Variants in CACNA2D1 observed in about 807,000 individuals in gnomAD.
The protein encoded by CACNA2D1 is calcium voltage-gated channel auxiliary subunit alpha2delta 1.
A neutral mutation model predicts 171.5 loss-of-function variants in CACNA2D1; 53 were observed. The observed-to-expected ratio is 0.31, with a 90% CI of 0.25 to 0.39. CACNA2D1 has a LOEUF of 0.39. Among genes scored for constraint, CACNA2D1 ranks in the 10% least tolerant of loss-of-function variants. CACNA2D1 has a pLI of 1.00. For synonymous variants in CACNA2D1, 442 were observed against 443.1 expected (o/e 1.00, Z 0.03); for missense variants, 903 against 1,299.8 (o/e 0.69, Z 4.69).
chr7:82,032,803 A>G lies in CACNA2D1; in HGVS notation c.1137T>C (p.Asp379=). 1 of 1,502,410 alleles carries G rather than the reference A, an allele frequency of 6.7e-7. No individual in the cohort carries two copies. The highest frequency in any genetic ancestry group is 9.2e-7 in the Non-Finnish European group (1 of 1,084,122). 93.1% of individuals were successfully genotyped at this position (1,502,410 alleles called of 1,614,324 possible). A position where few individuals can be genotyped will look rare whatever the true frequency, so the allele number is the denominator to read the frequency against. Residue 379 remains aspartate (D), a synonymous_variant, in exon 12 of 39, where the codon GAT becomes GAC. Coordinates refer to ENST00000356860, the MANE Select transcript of CACNA2D1 (RefSeq NM_000722.4). ...ATTATAAAATTACACTCACTTTTTTATCTTTATTGTATTTGTTAAATATCT... is the reference window on the plus strand; with the variant it reads ...ATTATAAAATTACACTCACTTTTTTGTCTTTATTGTATTTGTTAAATATCT... ...AQEIFNKYNK[D]KKVRVFTFSV...
intron 6 of CACNA2D1, among the ~76,000 whole-genome samples, chr7:82,111,150 TTTAA>T (rs1019145747): frequency 3.3e-5 from 5 of 151,324 alleles, no homozygotes; most frequent in African/African-American, 9.7e-5. Context: ...TGAAGTTAGT[TTTAA>T]TTAATAAAAT....
chr7:82,397,323 T>A (rs1411122241), intron 1 of CACNA2D1, among the ~76,000 whole-genome samples: 2 of 152,202 alleles, frequency 1.3e-5, no homozygotes, highest in African/African-American at 4.8e-5. Flanking sequence ...TATATGAATC[T>A]AAAAATATAT....
intron 1 of CACNA2D1, among the ~76,000 whole-genome samples, chr7:82,403,898 G>A (rs1826735424): frequency 6.6e-6 from 1 of 152,174 alleles, no homozygotes; most frequent in African/African-American, 2.4e-5. Context: ...AAACTTTTTA[G>A]GATTGAGCTT....
rs1284084979 is a variant in CACNA2D1 at position 82,186,225 on chromosome 7, GAGAGA to G, written c.295-15621_295-15617del. On this transcript the variant is annotated intron_variant, in intron 3 of 38. Coordinates refer to ENST00000356860, the MANE Select transcript of CACNA2D1 (RefSeq NM_000722.4). ...GGAGGGAGGGAGGGAGGGAAAGAGA[GAGAGA>G]GAAGGAAGGAAGGAAGGAAGGAAGA... Among the ~76,000 whole-genome samples, 34 of 84,170 alleles carry G rather than the reference GAGAGA, an allele frequency of 4.0e-4. 1 individual carries two copies. The East Asian group carries it at 0.011, about 28-fold the overall frequency. The allele number at this position is 84,170 out of a possible 152,430, so 55.2% of individuals were successfully genotyped here.
chr7:82,315,964 T>C (rs1815065857), intron 3 of CACNA2D1, among the ~76,000 whole-genome samples: 4 of 151,928 alleles, frequency 2.6e-5, no homozygotes, highest in African/African-American at 9.7e-5. Flanking sequence ...TGTCACCAGG[T>C]GTTTTTTTTT....
chr7:82,397,508 G>T (rs1585804875), intron 1 of CACNA2D1, among the ~76,000 whole-genome samples: 1 of 151,614 alleles, frequency 6.6e-6, no homozygotes, highest in African/African-American at 2.4e-5. Flanking sequence ...TATTCATTTT[G>T]CCTAGAATTG....
rs367553287 is a variant in CACNA2D1, at chr7:82,038,068, G to A, written c.1038+9C>T. 11 of 1,611,988 alleles carry A rather than the reference G, an allele frequency of 6.8e-6. No individual in the cohort carries two copies. In the African/African-American group the frequency reaches 1.5e-4, roughly 22 times the overall value. ...ACAACAACAACAAAAGACATAGCAT[G>A]ATACTTACATTAAGCAGCTGTTCAA... On this transcript the variant is annotated intron_variant, in intron 11 of 38. Coordinates refer to ENST00000356860, the MANE Select transcript of CACNA2D1 (RefSeq NM_000722.4).
At position 82,064,190 on chromosome 7, in the gene CACNA2D1, TTTTC is replaced by T. The variant is rs1807317514; in HGVS notation, c.779+110_779+113del. 17 of 641,546 alleles carry T rather than the reference TTTTC, an allele frequency of 2.6e-5. No individual in the cohort carries two copies. The South Asian group carries it at 2.7e-4, about 10-fold the overall frequency. 39.7% of individuals were successfully genotyped at this position (641,546 alleles called of 1,614,324 possible). ...GCCTGAATATAAAAGTCATCATAATTTTTCTTTGTTTCTTTTTTAACCTATCAAA... is the reference window on the plus strand; with the variant it reads ...GCCTGAATATAAAAGTCATCATAATTTTTGTTTCTTTTTTAACCTATCAAA... On this transcript the variant is annotated intron_variant, in intron 9 of 38. Transcript: ENST00000356860.
chr7:82,123,701 G>T (rs1238641802), intron 5 of CACNA2D1, among the ~76,000 whole-genome samples: 1 of 152,096 alleles, frequency 6.6e-6, no homozygotes, highest in Non-Finnish European at 1.5e-5. Context: ...AAAATGTGTA[G>T]CACTGGACAA....
intron 1 of CACNA2D1, among the ~76,000 whole-genome samples, chr7:82,401,724 G>T (rs1826448598): frequency 1.3e-5 from 2 of 151,350 alleles, no homozygotes; most frequent in African/African-American, 4.8e-5. Context: ...GAAAAAAAAA[G>T]AAATGAAAAG....
Position 82,349,601 on chromosome 7 carries a change from TG to T in CACNA2D1, c.143del (p.Ala48GlufsTer32). 6.2e-7 allele frequency: 1 copy of T among 1,614,074 alleles called. No homozygotes were observed. The highest frequency in any genetic ancestry group is 8.5e-7 in the Non-Finnish European group (1 of 1,179,918). On this transcript the variant is annotated frameshift_variant, in exon 2 of 39. Transcript: ENST00000356860. LOFTEE classifies it high-confidence loss of function. Reference protein sequence around the residue: ...DKMQEDLVTLAKTASGVNQLV... With the variant: ...DKMQEDLVTLXKTASGVNQLV... ...GCTGATTGACTCCACTTGCTGTTTT[TG>T]CCAGTGTGACAAGGTCTTCTTGCAT... is the stretch of plus-strand genomic sequence containing the variant.
At chr7:82,357,115 CAT>C (rs943451452) in intron 1 of CACNA2D1, among the ~76,000 whole-genome samples, 4 of 152,088 alleles carry the variant, frequency 2.6e-5, no homozygotes, top group African/African-American at 9.7e-5. Flanking sequence ...TAAAAATAAA[CAT>C]ATAGAATATG....
At chr7:82,425,557 T>A (rs1257113755) in intron 1 of CACNA2D1, among the ~76,000 whole-genome samples, 1 of 146,218 alleles carries the variant, frequency 6.8e-6, no homozygotes, top group East Asian at 2.0e-4. Context: ...TTTTTTTTTT[T>A]AAGAGACAGA....
chr7:82,302,261 C>T (rs1813108384), intron 3 of CACNA2D1, among the ~76,000 whole-genome samples: 1 of 152,014 alleles, frequency 6.6e-6, no homozygotes, highest in African/African-American at 2.4e-5. Context: ...GTAATTGACA[C>T]ATAAATTTCT....
intron 6 of CACNA2D1, among the ~76,000 whole-genome samples, chr7:82,100,479 CT>C (rs774677564): frequency 7.2e-5 from 11 of 151,886 alleles, no homozygotes; most frequent in Non-Finnish European, 1.3e-4. Flanking sequence ...CCTGAAACCC[CT>C]GGATGTTATT....
At chr7:81,966,048 TAAAA>T (rs887850880) in intron 31 of CACNA2D1, among the ~76,000 whole-genome samples, 1 of 151,828 alleles carries the variant, frequency 6.6e-6, no homozygotes, top group African/African-American at 2.4e-5. Flanking sequence ...AAAGATATTT[TAAAA>T]AAATATCATT....
At chr7:81,985,196 C>CTTTTTTTTTTTTTTTTTTTTTTTTT (rs774555240) in intron 21 of CACNA2D1, among the ~76,000 whole-genome samples, 4 of 104,178 alleles carry the variant, frequency 3.8e-5, no homozygotes, top group African/African-American at 1.6e-4. Context: ...ATTATCATTA[C>CTTTTTTTTTTTTTTTTTTTTTTTTT]TTTTTTTTTT....
At chr7:82,145,519 A>G (rs966799462) in intron 4 of CACNA2D1, among the ~76,000 whole-genome samples, 6 of 142,622 alleles carry the variant, frequency 4.2e-5, no homozygotes, top group African/African-American at 1.5e-4. Flanking sequence ...ATGTATGTAT[A>G]TTCTGTATAT....
At chr7:82,223,415 T>C (rs17156037) in intron 3 of CACNA2D1, among the ~76,000 whole-genome samples, 3,353 of 152,282 alleles carry the variant, frequency 0.022, 213 homozygotes, top group Admixed American at 0.13. Flanking sequence ...TATATATTAT[T>C]TTAAAAGTCA....
Sources: gnomAD v4.1 joint callset for allele counts (sites outside exome capture counted in the v4.1 genomes callset) on GRCh38, gnomAD v4.1.1 for gene constraint, MANE v1.5 for transcripts, NCBI Gene and HGNC (gene_info 2026-07-23, HGNC 2026-07-21) for gene names.